The following TACC1 variants were observed in gnomAD, a reference collection of about 807,000 sequenced individuals.
TACC1 encodes the protein transforming acidic coiled-coil-containing protein 1.
In TACC1, 48 loss-of-function variants were observed where a neutral mutation model predicts 84.4. The ratio of observed to expected loss-of-function variants is 0.57; its 90% CI spans 0.45 to 0.72. The LOEUF (loss-of-function observed/expected upper bound fraction) is 0.72, where lower values mean the gene tolerates loss of function less well. Among genes scored for constraint, TACC1 ranks in the 30% least tolerant of loss-of-function variants. The pLI is 0.00. For missense variants in TACC1, 920 were observed against 973.0 expected (o/e 0.95, Z 0.72); for synonymous variants, 372 against 376.3 (o/e 0.99, Z 0.13).
chr8:38,812,578 T>C (rs1824467856), intron 2 of TACC1, among the ~76,000 whole-genome samples: 1 of 152,198 alleles, frequency 6.6e-6, no homozygotes, highest in Non-Finnish European at 1.5e-5. Context: ...TTTCACATGT[T>C]CCATTTTTAC....
chr8:38,823,132 G>A (rs1025119550), intron 3 of TACC1, among the ~76,000 whole-genome samples: 2 of 152,142 alleles, frequency 1.3e-5, no homozygotes, highest in African/African-American at 2.4e-5. Context: ...AAAGGAAGAC[G>A]CCCAGAGGTT....
chr8:38,736,523 G>A (rs531696402), intron 1 of TACC1, among the ~76,000 whole-genome samples: 1 of 152,278 alleles, frequency 6.6e-6, no homozygotes, highest in Non-Finnish European at 1.5e-5. Flanking sequence ...GGCTGAGGTA[G>A]GAGGATCGCT....
chr8:38,848,877 AG>A lies in TACC1; in HGVS notation c.*857del, dbSNP rs1422886681. The stretch of plus-strand genomic sequence containing the variant: ...GGCAATATGGGACTCCCTCCAAGCT[AG>A]GGTTTGGCAAGTCTGCCCTAGAGTC... On this transcript the variant is annotated 3_prime_UTR_variant, in exon 13 of 13. Coordinates refer to ENST00000317827, the MANE Select transcript of TACC1 (RefSeq NM_006283.3). 6.6e-6 allele frequency: 1 copy of A among 151,996 alleles called. No homozygotes were observed. Among genetic ancestry groups the A allele is most frequent in the African/African-American group, 2.4e-5 (1 of 41,390 alleles). The allele number at this position is 151,996 out of a possible 1,614,324, so 9.4% of individuals were successfully genotyped here. A position where few individuals can be genotyped will look rare whatever the true frequency, so the allele number is the denominator to read the frequency against.
At chr8:38,813,161 T>C (rs1236980491) in intron 2 of TACC1, among the ~76,000 whole-genome samples, 1 of 152,212 alleles carries the variant, frequency 6.6e-6, no homozygotes, top group Non-Finnish European at 1.5e-5. Flanking sequence ...CTTAGACTAA[T>C]TGTTTACAGA....
intron 2 of TACC1, among the ~76,000 whole-genome samples, chr8:38,807,673 G>C (rs1823083530): frequency 6.6e-6 from 1 of 152,194 alleles, no homozygotes; most frequent in African/African-American, 2.4e-5. Flanking sequence ...TATGTTAGCT[G>C]AATACATTTC....
At chr8:38,823,844 G>C in intron 3 of TACC1, 1 of 486,440 alleles carries the variant, frequency 2.1e-6, no homozygotes, top group Non-Finnish European at 3.8e-6. Context: ...TCATGAATAC[G>C]ACATTTTTAA....
intron 1 of TACC1, among the ~76,000 whole-genome samples, chr8:38,736,442 CCT>C (rs2151638727): frequency 6.6e-6 from 1 of 151,950 alleles, no homozygotes; most frequent in East Asian, 1.9e-4. Context: ...CAGTGAGACC[CCT>C]GTCTCTACAA....
At chr8:38,760,540 T>G (rs1027613829) in intron 3 of TACC1, among the ~76,000 whole-genome samples, 3 of 149,304 alleles carry the variant, frequency 2.0e-5, no homozygotes, top group South Asian at 2.1e-4. Flanking sequence ...GACCTAATTG[T>G]TTTTTTTTTG....
In TACC1 at chr8:38,825,317, T is replaced by C. The variant is rs773765455; in HGVS notation, c.1401T>C (p.Cys467=). 19 of 1,614,026 alleles carry C rather than the reference T, an allele frequency of 1.2e-5. No homozygotes were observed. Among genetic ancestry groups the C allele is most frequent in the Non-Finnish European group, 1.6e-5 (19 of 1,180,020 alleles). The part of the protein sequence containing the change: ...KAKSRLITSG[C]KVKKHETQSL... ...TTTCTTCTCTTTCCAGGAGTGGCTGTAAGGTGAAGAAGCATGAAACTCAGT... is the reference window on the plus strand; with the variant it reads ...TTTCTTCTCTTTCCAGGAGTGGCTGCAAGGTGAAGAAGCATGAAACTCAGT... The change falls in exon 4 of 13, where the codon TGT becomes TGC. Residue 467 remains cysteine (C), a synonymous_variant. Transcript: ENST00000317827.
chr8:38,756,914 G>C lies in TACC1; in HGVS notation c.26+11421G>C, dbSNP rs369588178. Among the ~76,000 whole-genome samples the C allele has an allele frequency of 1.4e-4, 22 of 152,352 alleles. No homozygotes were observed. The East Asian group carries it at 4.3e-3, about 29-fold the overall frequency. On this transcript the variant is annotated intron_variant, in intron 3 of 14. Coordinates refer to the TACC1 transcript ENST00000518415. ...GCAGCTCCCGGGGCCTCTTCCCGCG[G>C]CTTCCCTTCCAGCCCCGGACCCAGC...
At chr8:38,783,050 C>A (rs2151952718), upstream of TACC1, among the ~76,000 whole-genome samples, 1 of 150,760 alleles carries the variant, frequency 6.6e-6, no homozygotes, top group South Asian at 2.1e-4. Flanking sequence ...TCTTCAATGA[C>A]ACTAGTGTAG....
At chr8:38,845,655 G>A (rs147312900) in intron 11 of TACC1, among the ~76,000 whole-genome samples, 22 of 152,300 alleles carry the variant, frequency 1.4e-4, no homozygotes, top group African/African-American at 5.1e-4. Context: ...ACACTACAGC[G>A]AACATCCTGT....
chr8:38,785,436 G>A (rs1437025489), upstream of TACC1, among the ~76,000 whole-genome samples: 4 of 152,174 alleles, frequency 2.6e-5, no homozygotes, highest in Non-Finnish European at 4.4e-5. Context: ...AATGGGAACC[G>A]AAAGATTAGA....
At chr8:38,740,825 A>G (rs1277813519) in intron 1 of TACC1, among the ~76,000 whole-genome samples, 1 of 152,224 alleles carries the variant, frequency 6.6e-6, no homozygotes, top group Non-Finnish European at 1.5e-5. Context: ...CCGCAGGAAG[A>G]TGGAAAACTT....
Position 38,848,023 on chromosome 8 carries a change from A to G in TACC1, c.2418A>G (p.Ter806TrpextTer38). ...ELIAKLGKTD[*>W] Reference sequence around the variant, plus strand: ...TTGCAAAGCTGGGAAAGACTGACTGAGACACTCCCCCTGTTAGCTCAACAG... The same window carrying G: ...TTGCAAAGCTGGGAAAGACTGACTGGGACACTCCCCCTGTTAGCTCAACAG... Residue 806 changes from the stop codon to tryptophan (W), a stop_lost, in exon 13 of 13, where the codon TGA (stop) becomes TGG (tryptophan). Transcript: ENST00000317827. 1 of 1,613,530 alleles carries G rather than the reference A, an allele frequency of 6.2e-7. No homozygotes were observed. Among genetic ancestry groups the G allele is most frequent in the Non-Finnish European group, 8.5e-7 (1 of 1,179,642 alleles).
At chr8:38,744,426 A>G (rs1461678293) in intron 2 of TACC1, among the ~76,000 whole-genome samples, 1 of 152,084 alleles carries the variant, frequency 6.6e-6, no homozygotes, top group Non-Finnish European at 1.5e-5. Context: ...TGACACTTCT[A>G]TTTACATCCC....
intron 2 of TACC1, among the ~76,000 whole-genome samples, chr8:38,793,216 A>C (rs999551030): frequency 6.6e-6 from 1 of 152,216 alleles, no homozygotes; most frequent in African/African-American, 2.4e-5. Flanking sequence ...AGAATAGAAG[A>C]AAAGAGATAA....
intron 6 of TACC1, 111 bp from the exon 7 acceptor site, chr8:38,836,051 A>C: frequency 6.9e-7 from 1 of 1,452,150 alleles, no homozygotes; most frequent in Non-Finnish European, 9.2e-7. Context: ...ACTTTTCTTT[A>C]AACATGGTTT....
intron 3 of TACC1, among the ~76,000 whole-genome samples, chr8:38,769,042 A>G (rs1346396549): frequency 7.6e-6 from 1 of 131,070 alleles, no homozygotes; most frequent in Non-Finnish European, 1.6e-5. Flanking sequence ...GTGGAGGTGT[A>G]TGGTGTGTGT....
Sources: allele counts gnomAD v4.1 joint callset (sites outside exome capture counted in the v4.1 genomes callset), GRCh38; gene constraint gnomAD v4.1.1; transcripts MANE v1.5; gene names NCBI Gene and HGNC (gene_info 2026-07-23, HGNC 2026-07-21).